Variants in TNRC6B observed in about 807,000 individuals in gnomAD.
TNRC6B encodes trinucleotide repeat containing adaptor 6B.
A neutral mutation model predicts 203.6 loss-of-function variants in TNRC6B; 52 were observed. The observed-to-expected ratio is 0.26, with a 90% CI of 0.20 to 0.32. The LOEUF (loss-of-function observed/expected upper bound fraction) is 0.32. Among genes scored for constraint, TNRC6B ranks in the 10% least tolerant of loss-of-function variants. The pLI is 1.00. For synonymous variants in TNRC6B, 838 were observed against 845.7 expected (o/e 0.99, Z 0.16); for missense variants, 1,923 against 2,286.2 (o/e 0.84, Z 3.24).
rs977758054 is a variant in TNRC6B at position 40,301,413 on chromosome 22, C to G, written c.4120+80C>G. The G allele has an allele frequency of 5.7e-6, 8 of 1,408,700 alleles. No individual in the cohort carries two copies. In the African/African-American group the frequency reaches 1.0e-4, roughly 18 times the overall value. 87.3% of individuals were successfully genotyped at this position (1,408,700 alleles called of 1,614,324 possible). ...TGGTAGGGGTTGCACCTGCATTACC[C>G]TCCTTTTTTATGTCAGCTGTACAAG... On this transcript the variant is annotated intron_variant, in intron 15 of 22. Coordinates refer to ENST00000454349, the MANE Select transcript of TNRC6B (RefSeq NM_001162501.2).
At chr22:40,094,095 A>T (rs2068169251) in intron 1 of TNRC6B, among the ~76,000 whole-genome samples, 1 of 152,216 alleles carries the variant, frequency 6.6e-6, no homozygotes, top group Non-Finnish European at 1.5e-5. Context: ...TGTACTCATA[A>T]TAATTAAAAA....
chr22:40,262,851 A>T (rs1388301452), intron 4 of TNRC6B, among the ~76,000 whole-genome samples: 1 of 152,104 alleles, frequency 6.6e-6, no homozygotes, highest in East Asian at 1.9e-4. Flanking sequence ...CACCCTGGCT[A>T]ACATGGTGAA....
chr22:40,178,275 A>C, intron 1 of TNRC6B, 135 bp downstream of exon 1: 3 of 993,752 alleles, frequency 3.0e-6, no homozygotes, highest in Non-Finnish European at 4.5e-6. Context: ...GATCTGTGTA[A>C]ATCAGACCCG....
chr22:40,280,273 G>A (rs2070706518), intron 10 of TNRC6B, 130 bp downstream of exon 10: 1 of 849,686 alleles, frequency 1.2e-6, no homozygotes, highest in South Asian at 1.9e-5. Flanking sequence ...AACATCACCT[G>A]CATTAACGTG....
At chr22:40,101,216 TCTC>T (rs1024229788) in intron 1 of TNRC6B, among the ~76,000 whole-genome samples, 5 of 152,096 alleles carry the variant, frequency 3.3e-5, no homozygotes, top group Non-Finnish European at 7.4e-5. Flanking sequence ...ATGGTCTCGA[TCTC>T]CTAACCTTGT....
chr22:40,251,559 A>G (rs185389852), intron 3 of TNRC6B, among the ~76,000 whole-genome samples: 36 of 152,238 alleles, frequency 2.4e-4, no homozygotes, highest in Admixed American at 2.3e-3. Flanking sequence ...ATCTCTACTA[A>G]AAATAAAAAA....
At chr22:40,322,775 T>G in intron 22 of TNRC6B, 79 bp from the exon 23 acceptor site, 9 of 1,531,890 alleles carry the variant, frequency 5.9e-6, no homozygotes, top group Non-Finnish European at 8.0e-6. Context: ...ACATTGAATG[T>G]CAAGGACTGC....
At chr22:40,095,609 A>G (rs2068181129) in intron 1 of TNRC6B, among the ~76,000 whole-genome samples, 1 of 151,730 alleles carries the variant, frequency 6.6e-6, no homozygotes, top group South Asian at 2.1e-4. Context: ...TGAAGCACCC[A>G]TAAATTTAAC....
chr22:40,069,860 G>A (rs563792957), intron 1 of TNRC6B, among the ~76,000 whole-genome samples: 9 of 152,166 alleles, frequency 5.9e-5, no homozygotes, highest in East Asian at 3.9e-4. Flanking sequence ...AGATTTTCAC[G>A]GCTATCAGTT....
rs2070455964 is a variant in TNRC6B at position 40,265,114 on chromosome 22, C to G, written c.884C>G (p.Pro295Arg). The change falls in exon 5 of 23, where the codon CCT (proline) becomes CGT (arginine). Residue 295 changes from proline (P) to arginine (R), a missense_variant. Pro to Arg is a moderately radical substitution (Grantham distance 103). Transcript: ENST00000454349. ...GTGAGTGGTCAGGATAGAATTGGAC[C>G]TGGCTCTGGCTTCAGCAACTTTAAC... The part of the protein sequence containing the change: ...RNVSGQDRIG[P>R]GSGFSNFNPN... 1 of 1,613,978 alleles carries G rather than the reference C, an allele frequency of 6.2e-7. No individual in the cohort carries two copies. Among genetic ancestry groups the G allele is most frequent in the South Asian group, 1.1e-5 (1 of 91,082 alleles).
chr22:40,085,306 C>T (rs2068091697), intron 1 of TNRC6B, among the ~76,000 whole-genome samples: 1 of 152,162 alleles, frequency 6.6e-6, no homozygotes, highest in African/African-American at 2.4e-5. Context: ...ACAATTGTCA[C>T]ATCTAAAAAT....
At chr22:40,059,815 G>GTTTTTTTT (rs764365612) in intron 1 of TNRC6B, among the ~76,000 whole-genome samples, 1 of 126,180 alleles carries the variant, frequency 7.9e-6, no homozygotes. Flanking sequence ...ATAGAGTTTG[G>GTTTTTTTT]TTTTTTTTTT....
chr22:40,287,154 T>TG (rs1246008924), intron 12 of TNRC6B, among the ~76,000 whole-genome samples: 1 of 151,972 alleles, frequency 6.6e-6, no homozygotes, highest in Non-Finnish European at 1.5e-5. Flanking sequence ...GGACTACAGA[T>TG]GCACACCACC....
At chr22:40,280,992 A>C in intron 10 of TNRC6B, 127 bp from the exon 11 acceptor site, 2 of 718,650 alleles carry the variant, frequency 2.8e-6, no homozygotes, top group Non-Finnish European at 4.3e-6. Flanking sequence ...TCCAAATTCC[A>C]TCCTTGGTTA....
chr22:40,269,225 C>G (rs2070525151), intron 5 of TNRC6B, among the ~76,000 whole-genome samples: 1 of 149,476 alleles, frequency 6.7e-6, no homozygotes, highest in South Asian at 2.2e-4. Context: ...CCTCCACCTC[C>G]CGGGTTCAAG....
At chr22:40,203,160 T>G (rs1267685873) in intron 1 of TNRC6B, among the ~76,000 whole-genome samples, 3 of 152,058 alleles carry the variant, frequency 2.0e-5, no homozygotes, top group Non-Finnish European at 4.4e-5. Context: ...GTGAGCAAAC[T>G]TAACTGGTAG....
At chr22:40,147,317 GTT>G (rs2068704245) in intron 3 of TNRC6B, among the ~76,000 whole-genome samples, 1 of 152,144 alleles carries the variant, frequency 6.6e-6, no homozygotes, top group Non-Finnish European at 1.5e-5. Flanking sequence ...GGGAGTTACT[GTT>G]TAAGGGGTAC....
At chr22:40,057,370 C>T (rs753508125) in intron 1 of TNRC6B, among the ~76,000 whole-genome samples, 2 of 147,246 alleles carry the variant, frequency 1.4e-5, no homozygotes, top group African/African-American at 2.5e-5. Flanking sequence ...CTCGGCTCGT[C>T]GCAACCTCCG....
intron 1 of TNRC6B, among the ~76,000 whole-genome samples, chr22:40,217,349 C>G (rs2069648929): frequency 6.6e-6 from 1 of 152,166 alleles, no homozygotes; most frequent in African/African-American, 2.4e-5. Flanking sequence ...CATTGTGTAG[C>G]CCAGTTTCTT....
Sources: allele counts gnomAD v4.1 joint callset (sites outside exome capture counted in the v4.1 genomes callset), GRCh38; gene constraint gnomAD v4.1.1; transcripts MANE v1.5; gene names NCBI Gene and HGNC (gene_info 2026-07-23, HGNC 2026-07-21).